The following CSMD3 variants were observed in gnomAD, a reference collection of about 807,000 sequenced individuals.
CSMD3 encodes CUB and Sushi multiple domains 3, also known as CUB and sushi domain-containing protein 3.
In CSMD3, 177 loss-of-function variants were observed where a neutral mutation model predicts 435.2. The observed-to-expected ratio is 0.41, with a 90% CI of 0.36 to 0.46. The LOEUF is 0.46. Ranked by LOEUF, CSMD3 falls within the 20% of genes least tolerant of loss-of-function variation. CSMD3 has a pLI of 0.34. For missense variants in CSMD3, 4,265 were observed against 4,504.6 expected, an observed-to-expected ratio of 0.95 and a Z score of 1.52; for synonymous variants, 1,656 against 1,520.5, an observed-to-expected ratio of 1.09 and a Z score of -2.07.
chr8:112,915,465 G>T (rs1278485988), intron 10 of CSMD3, among the ~76,000 whole-genome samples: 1 of 151,552 alleles, frequency 6.6e-6, no homozygotes, highest in African/African-American at 2.4e-5. Context: ...TACATTTTAA[G>T]AATTAAAATA....
At chr8:113,276,061 A>G (rs1337088883) in intron 3 of CSMD3, among the ~76,000 whole-genome samples, 3 of 152,028 alleles carry the variant, frequency 2.0e-5, no homozygotes, top group Admixed American at 2.0e-4. Flanking sequence ...TGGCAGTATC[A>G]CTGGCTACAG....
chr8:113,122,297 C>T (rs1043324180), intron 4 of CSMD3, among the ~76,000 whole-genome samples: 2 of 151,928 alleles, frequency 1.3e-5, no homozygotes, highest in Non-Finnish European at 2.9e-5. Context: ...AATAAACGTG[C>T]CCCAATTACA....
chr8:112,533,812 A>G (rs1311621646), intron 27 of CSMD3, among the ~76,000 whole-genome samples: 1 of 152,092 alleles, frequency 6.6e-6, no homozygotes, highest in East Asian at 1.9e-4. Context: ...GCTGCTGCAG[A>G]GTATACATAC....
chr8:113,403,875 A>T (rs997575697), intron 1 of CSMD3, among the ~76,000 whole-genome samples: 1 of 151,438 alleles, frequency 6.6e-6, no homozygotes, highest in Non-Finnish European at 1.5e-5. Flanking sequence ...TTGATGTTTC[A>T]TGTATGGCCA....
At chr8:113,073,839 A>C (rs1038615520) in intron 5 of CSMD3, among the ~76,000 whole-genome samples, 1 of 151,840 alleles carries the variant, frequency 6.6e-6, no homozygotes, top group East Asian at 1.9e-4. Flanking sequence ...TATGTTCCCC[A>C]GTCTTGTCAT....
Position 112,318,857 on chromosome 8 carries a change from C to T in CSMD3, c.7340G>A (p.Gly2447Glu), listed in dbSNP as rs2130860312. 2 of 1,611,252 alleles carry T rather than the reference C, an allele frequency of 1.2e-6. No individual in the cohort carries two copies. Among genetic ancestry groups the T allele is most frequent in the Non-Finnish European group, 1.7e-6 (2 of 1,178,240 alleles). Reference protein sequence around the residue: ...CRLGERLQMDGAPPVCQVLCP... With the variant: ...CRLGERLQMDEAPPVCQVLCP... ...AATACCTTGACAAACTGGAGGTGCT[C>T]CATCCATCTGCAGTCGTTCTCCTAA... The change falls in exon 47 of 71, where the codon GGA becomes GAA. Residue 2447 changes from glycine (G) to glutamate (E), a missense_variant. Gly to Glu is a moderately conservative substitution (Grantham distance 98, BLOSUM62 -2). Around this residue, in one of 3 missense-constraint regions of CSMD3, gnomAD observed 3,255 missense variants for 3,380.2 expected, o/e 0.96. Transcript: ENST00000297405.
intron 27 of CSMD3, among the ~76,000 whole-genome samples, chr8:112,524,877 A>T (rs1245362954): frequency 6.6e-6 from 1 of 152,050 alleles, no homozygotes; most frequent in Admixed American, 6.6e-5. Flanking sequence ...CATTTCTGTT[A>T]CACATGTTCA....
rs901292614 is a variant in CSMD3 at position 112,954,669 on chromosome 8, A to G, written c.1420+15T>C. The G allele has an allele frequency of 1.3e-6, 2 of 1,544,812 alleles. No individual in the cohort carries two copies. Among genetic ancestry groups the G allele is most frequent in the African/African-American group, 1.4e-5 (1 of 73,574 alleles). On this transcript the variant is annotated intron_variant, in intron 8 of 70. Coordinates refer to ENST00000297405, the MANE Select transcript of CSMD3 (RefSeq NM_198123.2). ...TCTTGCACTAGAGAAAGTAACAAAA[A>G]AGAAGTACACTCACAGATAGAAAAC... is the stretch of plus-strand genomic sequence containing the variant.
At chr8:112,879,064 CAG>C (rs2081372591) in intron 10 of CSMD3, among the ~76,000 whole-genome samples, 1 of 152,082 alleles carries the variant, frequency 6.6e-6, no homozygotes, top group South Asian at 2.1e-4. Context: ...GTTCAGGGAA[CAG>C]GGGAGATAAC....
chr8:113,009,813 TTTATAAC>T (rs2086191656), intron 6 of CSMD3, among the ~76,000 whole-genome samples: 1 of 151,790 alleles, frequency 6.6e-6, no homozygotes, highest in African/African-American at 2.4e-5. Flanking sequence ...CTCAAGCTGT[TTTATAAC>T]TACAGATTCC....
intron 22 of CSMD3, among the ~76,000 whole-genome samples, chr8:112,588,512 A>C (rs1047262665): frequency 5.9e-5 from 9 of 152,078 alleles, no homozygotes; most frequent in Admixed American, 4.6e-4. Flanking sequence ...ACTTTATTTT[A>C]ATGTTACTTA....
At chr8:113,331,290 GA>G (rs1420690152) in intron 1 of CSMD3, among the ~76,000 whole-genome samples, 3 of 150,818 alleles carry the variant, frequency 2.0e-5, no homozygotes, top group Non-Finnish European at 4.4e-5. Flanking sequence ...TTGAATGTGT[GA>G]CTAAAAAAAA....
In CSMD3 at chr8:113,106,669, T is replaced by G. The variant is rs1295329308; in HGVS notation, c.710-7706A>C. On this transcript the variant is annotated intron_variant, in intron 4 of 70. Transcript: ENST00000297405. ...AGAGACGACTAGCTGAGATCCGAAA[T>G]TCATGTTCCACTTCCATTTATGAGG... Among the ~76,000 whole-genome samples the G allele has an allele frequency of 2.0e-5, 3 of 152,150 alleles. No individual in the cohort carries two copies. The East Asian group carries it at 5.8e-4, about 29-fold the overall frequency.
Position 112,546,674 on chromosome 8 carries a change from C to G in CSMD3, c.4564+3997G>C, listed in dbSNP as rs1192694313. Among the ~76,000 whole-genome samples the G allele has an allele frequency of 2.0e-5, 3 of 152,054 alleles. No homozygotes were observed. The East Asian group carries it at 5.8e-4, about 29-fold the overall frequency. On this transcript the variant is annotated intron_variant, in intron 27 of 70. Coordinates refer to ENST00000297405, the MANE Select transcript of CSMD3 (RefSeq NM_198123.2). ...GGGAACTAAAGTGGAATGAGACAGG[C>G]AGATTAAAATGTAAGCAGAGGATAT...
At chr8:112,436,486 T>C (rs1438970695) in intron 32 of CSMD3, among the ~76,000 whole-genome samples, 1 of 151,864 alleles carries the variant, frequency 6.6e-6, no homozygotes, top group Non-Finnish European at 1.5e-5. Flanking sequence ...TACTATATAC[T>C]ACATCCTATA....
chr8:112,997,036 C>T (rs918656649), intron 6 of CSMD3, among the ~76,000 whole-genome samples: 3 of 151,368 alleles, frequency 2.0e-5, no homozygotes, highest in Non-Finnish European at 3.0e-5. Flanking sequence ...TGATTAGTGT[C>T]TATGAATGCT....
intron 32 of CSMD3, among the ~76,000 whole-genome samples, chr8:112,430,569 A>T (rs1813551932): frequency 1.3e-5 from 2 of 151,894 alleles, no homozygotes; most frequent in Non-Finnish European, 2.9e-5. Context: ...TATATATTTT[A>T]TGTTTAGGAT....
At chr8:112,702,571 C>T (rs989265275) in intron 13 of CSMD3, among the ~76,000 whole-genome samples, 2 of 151,994 alleles carry the variant, frequency 1.3e-5, no homozygotes, top group Non-Finnish European at 2.9e-5. Flanking sequence ...TCGCTTTTTG[C>T]ACTTCTTTCC....
chr8:112,487,219 G>A (rs1210713370), intron 31 of CSMD3, among the ~76,000 whole-genome samples: 2 of 152,156 alleles, frequency 1.3e-5, no homozygotes, highest in African/African-American at 2.4e-5. Context: ...TGCAATTTTA[G>A]AATAGATATT....
Sources: allele counts gnomAD v4.1 joint callset (sites outside exome capture counted in the v4.1 genomes callset), GRCh38; gene constraint gnomAD v4.1.1; regional missense constraint gnomAD v4.1.1; transcripts MANE v1.5; gene names NCBI Gene and HGNC (gene_info 2026-07-23, HGNC 2026-07-21).